ARHGAP26: variants seen among roughly 807,000 people sequenced by gnomAD.
ARHGAP26 encodes Rho GTPase activating protein 26, also known as rho GTPase-activating protein 26.
In ARHGAP26, 38 loss-of-function variants were observed where a neutral mutation model predicts 104.8. The ratio of observed to expected loss-of-function variants is 0.36; its 90% CI spans 0.28 to 0.48. The LOEUF is 0.48. Ranked by LOEUF, ARHGAP26 falls within the 20% of genes least tolerant of loss-of-function variation. ARHGAP26 has a pLI of 0.99. For synonymous variants in ARHGAP26, 341 were observed against 340.0 expected, an observed-to-expected ratio of 1.00 and a Z score of -0.03; for missense variants, 704 against 947.9, an observed-to-expected ratio of 0.74 and a Z score of 3.38.
At chr5:142,924,623 C>G (rs1763646439) in intron 10 of ARHGAP26, among the ~76,000 whole-genome samples, 1 of 152,184 alleles carries the variant, frequency 6.6e-6, no homozygotes, top group Admixed American at 6.5e-5. Flanking sequence ...TTTCTTACTT[C>G]CTCTGTCTCT....
chr5:142,876,617 A>AT lies in ARHGAP26; in HGVS notation c.312+1457dup, dbSNP rs796121233. Reference sequence around the variant, plus strand: ...ACATAGTGAGACCCCATCTCAACAAATTTTTTTTTTTAAGAAGACTGGCAT... The same window carrying AT: ...ACATAGTGAGACCCCATCTCAACAAATTTTTTTTTTTTAAGAAGACTGGCAT... On this transcript the variant is annotated intron_variant, in intron 3 of 22. Transcript: ENST00000645722. 8.7e-3 allele frequency among the ~76,000 whole-genome samples: 1,274 copies of AT among 146,870 alleles called. 17 individuals are homozygous for AT. Among genetic ancestry groups the AT allele is most frequent in the African/African-American group, 0.029 (1,179 of 40,164 alleles).
chr5:142,995,769 T>C (rs1028026569), intron 11 of ARHGAP26, among the ~76,000 whole-genome samples: 6 of 152,120 alleles, frequency 3.9e-5, no homozygotes, highest in Non-Finnish European at 8.8e-5. Context: ...ATCCAAATGC[T>C]CATCAATGAT....
rs28376515 is a variant in ARHGAP26, at chr5:143,224,826, G to A, written c.*2380G>A. On this transcript the variant is annotated 3_prime_UTR_variant, in exon 23 of 23. Coordinates refer to ENST00000645722, the MANE Select transcript of ARHGAP26 (RefSeq NM_001135608.3). ...CTCCAGGAGGGGTATAGATTGTGCC[G>A]TCATAGCTTTACAGGTGGTTTTAAA... The A allele has an allele frequency of 6.4e-3, 1,460 of 227,248 alleles. 21 individuals carry two copies. Among genetic ancestry groups the A allele is most frequent in the African/African-American group, 0.03 (1,371 of 45,120 alleles). 14.1% of individuals were successfully genotyped at this position (227,248 alleles called of 1,614,324 possible). A position where few individuals can be genotyped will look rare whatever the true frequency, so the allele number is the denominator to read the frequency against.
At chr5:142,969,264 G>A (rs549988911) in intron 11 of ARHGAP26, 7 of 152,176 alleles carry the variant, frequency 4.6e-5, no homozygotes, top group Non-Finnish European at 5.9e-5. Context: ...TTAATTGAAC[G>A]TTTAGTTTGT....
At position 143,158,357 on chromosome 5, in the gene ARHGAP26, C is replaced by T. The variant is rs1037825173; in HGVS notation, c.1988+10976C>T. On this transcript the variant is annotated intron_variant, in intron 20 of 22. Coordinates refer to ENST00000645722, the MANE Select transcript of ARHGAP26 (RefSeq NM_001135608.3). ...AGTGCTCCTCTTCCAAGACAGGCAT[C>T]GAACTGTTTACACAAAGAGCGTTGG... is the stretch of plus-strand genomic sequence containing the variant. Among the ~76,000 whole-genome samples, 4 of 152,306 alleles carry T rather than the reference C, an allele frequency of 2.6e-5. No homozygotes were observed. The East Asian group carries it at 5.8e-4, about 22-fold the overall frequency.
At chr5:143,050,405 A>C (rs539350598) in intron 14 of ARHGAP26, among the ~76,000 whole-genome samples, 1 of 152,124 alleles carries the variant, frequency 6.6e-6, no homozygotes, top group East Asian at 1.9e-4. Flanking sequence ...GAACACAATG[A>C]AGGTATTATA....
At chr5:142,945,846 G>C (rs376618545) in intron 11 of ARHGAP26, among the ~76,000 whole-genome samples, 2 of 152,018 alleles carry the variant, frequency 1.3e-5, no homozygotes, top group South Asian at 4.1e-4. Context: ...CTTAAATTTT[G>C]CCAGTTATCT....
chr5:143,045,570 T>A (rs1784101408), intron 14 of ARHGAP26, among the ~76,000 whole-genome samples: 1 of 152,244 alleles, frequency 6.6e-6, no homozygotes, highest in South Asian at 2.1e-4. Flanking sequence ...CTGAGATGGC[T>A]GGGCCGAGTG....
In ARHGAP26 at chr5:142,871,392, A is replaced by T. The variant is rs914058142; in HGVS notation, c.155-2008A>T. Among the ~76,000 whole-genome samples, 1 of 152,072 alleles carries T rather than the reference A, an allele frequency of 6.6e-6. No homozygotes were observed. The highest frequency in any genetic ancestry group is 2.4e-5 in the African/African-American group (1 of 41,400). On this transcript the variant is annotated intron_variant, in intron 1 of 22. Transcript: ENST00000645722. The surrounding 1 kb of genome is among the most constrained non-coding windows in gnomAD (Gnocchi z 4.1). The stretch of plus-strand genomic sequence containing the variant: ...GGGAGCTTTCCCGAGCCTGGCTTGC[A>T]TTTCACCTGTTTCCACTTTGTTGAG...
chr5:143,179,409 G>C (rs1171914857), intron 20 of ARHGAP26, among the ~76,000 whole-genome samples: 1 of 152,230 alleles, frequency 6.6e-6, no homozygotes, highest in Non-Finnish European at 1.5e-5. Flanking sequence ...TCTTGGACCA[G>C]CCTGGGATCT....
At chr5:143,022,717 C>T (rs1780522317) in intron 12 of ARHGAP26, among the ~76,000 whole-genome samples, 1 of 152,174 alleles carries the variant, frequency 6.6e-6, no homozygotes, top group South Asian at 2.1e-4. Flanking sequence ...AAATGCTGTT[C>T]ACAGCAACTG....
chr5:142,811,793 G>A (rs1009462878), intron 1 of ARHGAP26, among the ~76,000 whole-genome samples: 3 of 152,180 alleles, frequency 2.0e-5, no homozygotes, highest in East Asian at 3.9e-4. Flanking sequence ...ATACTCTTGT[G>A]CGCAGCCTTG....
chr5:143,095,596 A>G (rs1341441742), intron 17 of ARHGAP26, among the ~76,000 whole-genome samples: 1 of 152,166 alleles, frequency 6.6e-6, no homozygotes, highest in East Asian at 1.9e-4. Flanking sequence ...GATAAATCAT[A>G]TCTTCTTTTT....
intron 1 of ARHGAP26, among the ~76,000 whole-genome samples, chr5:142,808,236 GAAAAAAAAAAAAAAAAAAAAAAAAAAAAA>G (rs58550799): frequency 4.0e-4 from 13 of 32,670 alleles, no homozygotes; most frequent in African/African-American, 8.4e-4. Context: ...CATTGTCTCG[GAAAAAAAAAAAAAAAAAAAAAAAAAAAAA>G]AAAAAAAAAA....
intron 22 of ARHGAP26, 118 bp from the exon 23 acceptor site, chr5:143,222,236 GCTTC>G: frequency 1.9e-6 from 1 of 536,060 alleles, no homozygotes; most frequent in Admixed American, 3.6e-5. Context: ...CATTGTCCAA[GCTTC>G]CTTCATACAC....
rs1768924739 is a variant in ARHGAP26, at chr5:142,954,646, A to G, written c.1107+22521A>G. Among the ~76,000 whole-genome samples the G allele has an allele frequency of 2.0e-5, 3 of 152,214 alleles. No individual in the cohort carries two copies. In the South Asian group the frequency reaches 6.2e-4, roughly 32 times the overall value. ...CAGATCAGTAACATTTTCAGGTGGCATATTATCTGGCACACAGTAGCATGC... is the reference window on the plus strand; with the variant it reads ...CAGATCAGTAACATTTTCAGGTGGCGTATTATCTGGCACACAGTAGCATGC... On this transcript the variant is annotated intron_variant, in intron 11 of 22. Transcript: ENST00000645722.
At chr5:142,986,792 T>G (rs868140445) in intron 11 of ARHGAP26, among the ~76,000 whole-genome samples, 1 of 152,182 alleles carries the variant, frequency 6.6e-6, no homozygotes, top group South Asian at 2.1e-4. Flanking sequence ...TTTTCTCAGG[T>G]TTGTCAAAGA....
chr5:143,112,827 G>A (rs928777851), intron 17 of ARHGAP26, among the ~76,000 whole-genome samples: 3 of 152,186 alleles, frequency 2.0e-5, no homozygotes, highest in Non-Finnish European at 4.4e-5. Flanking sequence ...TATATTGTTT[G>A]TACGTAACAC....
chr5:143,108,600 G>A (rs572287453), intron 17 of ARHGAP26, among the ~76,000 whole-genome samples: 1 of 152,014 alleles, frequency 6.6e-6, no homozygotes, highest in South Asian at 2.1e-4. Flanking sequence ...CTTATGGCAG[G>A]GAATGTAATT....
Sources: allele counts gnomAD v4.1 joint callset (sites outside exome capture counted in the v4.1 genomes callset), GRCh38; gene constraint gnomAD v4.1.1; non-coding constraint Gnocchi (gnomAD v3.1); transcripts MANE v1.5; gene names NCBI Gene and HGNC (gene_info 2026-07-23, HGNC 2026-07-21).